The following DGKB variants were observed in gnomAD, a reference collection of about 807,000 sequenced individuals.
DGKB encodes 90 kDa diacylglycerol kinase.
A neutral mutation model predicts 114.3 loss-of-function variants in DGKB; 67 were observed. That is an observed-to-expected ratio of 0.59 (90% CI 0.48 to 0.72). DGKB has a LOEUF of 0.72. Ranked by LOEUF, DGKB falls within the 30% of genes least tolerant of loss-of-function variation. The probability of loss-of-function intolerance (pLI) is 0.00; values close to 1 mark genes in which losing one functional copy is unlikely to be tolerated. For missense variants in DGKB, 907 were observed against 975.2 expected (o/e 0.93, Z 0.93); for synonymous variants, 398 against 323.1 (o/e 1.23, Z -2.49).
At chr7:14,514,325 C>T (rs1001311523) in intron 20 of DGKB, among the ~76,000 whole-genome samples, 2 of 152,008 alleles carry the variant, frequency 1.3e-5, no homozygotes, top group East Asian at 3.9e-4. Context: ...ACAATGAAAG[C>T]ATATATATGA....
chr7:14,921,439 C>T (rs1054661762), intron 1 of DGKB, among the ~76,000 whole-genome samples: 2 of 152,058 alleles, frequency 1.3e-5, no homozygotes, highest in African/African-American at 4.8e-5. Context: ...GATGTCTATA[C>T]CAAACCGAAC....
chr7:14,666,210 A>G (rs758621737), intron 13 of DGKB, among the ~76,000 whole-genome samples: 6 of 152,048 alleles, frequency 3.9e-5, no homozygotes, highest in African/African-American at 7.2e-5. Context: ...TCAGGTAATG[A>G]AGGACATTTC....
Position 14,145,304 on chromosome 7 carries a change from G to A in DGKB, c.*3827C>T, listed in dbSNP as rs750550956. 11 of 152,002 alleles carry A rather than the reference G, an allele frequency of 7.2e-5. No individual in the cohort carries two copies. The highest frequency in any genetic ancestry group is 2.7e-4 in the African/African-American group (11 of 41,380). The allele number at this position is 152,002 out of a possible 1,614,324, so 9.4% of individuals were successfully genotyped here. On this transcript the variant is annotated 3_prime_UTR_variant, in exon 26 of 26. Transcript: ENST00000402815. ...TTTATTTATTTTCTTAAAGTTTACA[G>A]CTTTAATATATGTTACAAGGGTTTA...
intron 23 of DGKB, among the ~76,000 whole-genome samples, chr7:14,335,051 A>T (rs1810413403): frequency 6.6e-6 from 1 of 152,210 alleles, no homozygotes; most frequent in Admixed American, 6.5e-5. Context: ...TAATTACATG[A>T]ATTACTCACA....
intron 21 of DGKB, among the ~76,000 whole-genome samples, chr7:14,390,362 T>G (rs1821126361): frequency 6.6e-6 from 1 of 152,210 alleles, no homozygotes; most frequent in Non-Finnish European, 1.5e-5. Context: ...ATGACTGTAC[T>G]AACAGCTTGG....
intron 2 of DGKB, among the ~76,000 whole-genome samples, chr7:14,794,905 C>T (rs1008990184): frequency 9.9e-5 from 15 of 152,088 alleles, no homozygotes; most frequent in African/African-American, 3.4e-4. Context: ...AGTATTCCCA[C>T]CCATAGTGGT....
intron 1 of DGKB, among the ~76,000 whole-genome samples, chr7:14,872,397 C>A (rs1171970339): frequency 6.6e-6 from 1 of 152,168 alleles, no homozygotes; most frequent in African/African-American, 2.4e-5. Context: ...TACCGGTTGA[C>A]TGATGTTGGC....
chr7:14,272,411 T>C (rs1265483407), intron 23 of DGKB, among the ~76,000 whole-genome samples: 1 of 152,176 alleles, frequency 6.6e-6, no homozygotes, highest in Non-Finnish European at 1.5e-5. Context: ...TCTCATATGA[T>C]AAAAAAGAAA....
chr7:14,302,784 T>C (rs1044553739), intron 23 of DGKB, among the ~76,000 whole-genome samples: 1 of 152,140 alleles, frequency 6.6e-6, no homozygotes, highest in African/African-American at 2.4e-5. Context: ...TTCCTTCATA[T>C]TGGAAAGCAG....
At chr7:14,597,019 C>G (rs555040872) in intron 17 of DGKB, among the ~76,000 whole-genome samples, 1 of 152,294 alleles carries the variant, frequency 6.6e-6, no homozygotes, top group Non-Finnish European at 1.5e-5. Flanking sequence ...TCATTGCCTT[C>G]AAGAGCATCT....
At chr7:14,542,292 G>T (rs1354363278) in intron 20 of DGKB, among the ~76,000 whole-genome samples, 1 of 152,010 alleles carries the variant, frequency 6.6e-6, no homozygotes, top group East Asian at 1.9e-4. Context: ...CCAAAGTGCT[G>T]GTGCAAGCCA....
intron 17 of DGKB, among the ~76,000 whole-genome samples, chr7:14,589,139 G>A (rs1432648910): frequency 6.6e-6 from 1 of 151,384 alleles, no homozygotes; most frequent in Non-Finnish European, 1.5e-5. Flanking sequence ...GTTGTTTTGT[G>A]GTTTTTGTTG....
intron 1 of DGKB, among the ~76,000 whole-genome samples, chr7:14,930,646 A>G (rs1483995841): frequency 2.0e-5 from 3 of 152,192 alleles, no homozygotes; most frequent in African/African-American, 7.2e-5. Flanking sequence ...TTATGTCATC[A>G]GTAAACAGGG....
intron 13 of DGKB, among the ~76,000 whole-genome samples, chr7:14,644,927 G>A (rs949627290): frequency 6.6e-6 from 1 of 152,130 alleles, no homozygotes; most frequent in Non-Finnish European, 1.5e-5. Flanking sequence ...TAGGCAGACA[G>A]GGATGGGTCT....
At chr7:14,922,425 A>C (rs1173406889) in intron 1 of DGKB, among the ~76,000 whole-genome samples, 1 of 144,208 alleles carries the variant, frequency 6.9e-6, no homozygotes, top group East Asian at 2.0e-4. Context: ...TATCAGACTT[A>C]TTAGGGGAGT....
upstream of DGKB, among the ~76,000 whole-genome samples, chr7:14,904,250 A>T (rs1165576439): frequency 1.3e-5 from 2 of 152,038 alleles, no homozygotes; most frequent in Admixed American, 1.3e-4. Flanking sequence ...CACTTAATTG[A>T]ATAGTACTTT....
chr7:14,700,271 T>C (rs866596807), intron 7 of DGKB, among the ~76,000 whole-genome samples: 18 of 150,576 alleles, frequency 1.2e-4, no homozygotes, highest in South Asian at 6.3e-4. Flanking sequence ...TGGAGTGCAG[T>C]GGCACGATCT....
chr7:14,594,965 A>G (rs1399626771), intron 17 of DGKB, among the ~76,000 whole-genome samples: 2 of 152,230 alleles, frequency 1.3e-5, no homozygotes, highest in African/African-American at 2.4e-5. Context: ...AACAAGGTAG[A>G]ATTCTTGCCT....
At chr7:14,679,872 A>T (rs1319281063) in intron 12 of DGKB, among the ~76,000 whole-genome samples, 3 of 152,060 alleles carry the variant, frequency 2.0e-5, no homozygotes, top group Non-Finnish European at 4.4e-5. Flanking sequence ...ATCCTGTTTA[A>T]CCAAGGCACA....
Sources: allele counts gnomAD v4.1 joint callset (sites outside exome capture counted in the v4.1 genomes callset), GRCh38; gene constraint gnomAD v4.1.1; transcripts MANE v1.5; gene names NCBI Gene and HGNC (gene_info 2026-07-23, HGNC 2026-07-21).